Variants in WWOX observed in about 807,000 individuals in gnomAD.
WWOX encodes the protein WW domain-containing oxidoreductase.
Under a neutral mutation model 46.2 loss-of-function variants are expected in WWOX, and 69 were observed. That is an observed-to-expected ratio of 1.49 (90% CI 1.23 to 1.82). The LOEUF (loss-of-function observed/expected upper bound fraction) is 1.82. Ranked by LOEUF, WWOX falls within the 40% of genes most tolerant of loss-of-function variation. The pLI, the probability that WWOX is intolerant of heterozygous loss-of-function variation, is 0.00. For synonymous variants in WWOX, 359 were observed against 202.6 expected, an observed-to-expected ratio of 1.77 and a Z score of -6.56; for missense variants, 919 against 542.6, an observed-to-expected ratio of 1.69 and a Z score of -6.89.
intron 5 of WWOX, among the ~76,000 whole-genome samples, chr16:78,273,260 A>T (rs1032772219): frequency 1.3e-5 from 2 of 152,138 alleles, no homozygotes; most frequent in African/African-American, 4.8e-5. Context: ...CTGTACCCTG[A>T]ATTGGCCCTA....
intron 8 of WWOX, among the ~76,000 whole-genome samples, chr16:78,780,156 C>T (rs1035655330): frequency 6.6e-6 from 1 of 152,150 alleles, no homozygotes; most frequent in Non-Finnish European, 1.5e-5. Flanking sequence ...GCTATGGTCA[C>T]CTGCATCCCC....
chr16:78,181,253 T>G (rs2035524489), intron 5 of WWOX, among the ~76,000 whole-genome samples: 1 of 152,022 alleles, frequency 6.6e-6, no homozygotes, highest in Non-Finnish European at 1.5e-5. Flanking sequence ...TTATGAGGTT[T>G]TTAGTGCTGG....
At chr16:79,042,075 C>G (rs371341670) in intron 8 of WWOX, among the ~76,000 whole-genome samples, 37 of 152,236 alleles carry the variant, frequency 2.4e-4, no homozygotes, top group African/African-American at 8.4e-4. Context: ...TCTCTAGCTA[C>G]CATGTTCCAG....
intron 8 of WWOX, among the ~76,000 whole-genome samples, chr16:78,958,204 A>C (rs768519257): frequency 2.0e-5 from 3 of 152,162 alleles, no homozygotes; most frequent in Non-Finnish European, 4.4e-5. Context: ...AGCTGACTTA[A>C]ACACTCAGCT....
At chr16:78,959,055 T>C (rs2046223711) in intron 8 of WWOX, among the ~76,000 whole-genome samples, 1 of 152,200 alleles carries the variant, frequency 6.6e-6, no homozygotes, top group Admixed American at 6.5e-5. Context: ...TGTAATGTTT[T>C]TAAAAATGCT....
chr16:79,019,587 C>A lies in WWOX; in HGVS notation c.1057-192021C>A, dbSNP rs2047490274. ...TCTCTTTTAGGGGAAAAAACAAAAG[C>A]AGAAAGCAAGCAAGCTGGTATCCTG... On this transcript the variant is annotated intron_variant, in intron 8 of 8. Coordinates refer to ENST00000566780, the MANE Select transcript of WWOX (RefSeq NM_016373.4). Among the ~76,000 whole-genome samples, 5 of 151,936 alleles carry A rather than the reference C, an allele frequency of 3.3e-5. No individual in the cohort carries two copies. In the South Asian group the frequency reaches 1.0e-3, roughly 32 times the overall value.
chr16:79,095,106 A>G (rs1229567874), intron 8 of WWOX, among the ~76,000 whole-genome samples: 3 of 152,180 alleles, frequency 2.0e-5, no homozygotes, highest in Admixed American at 6.5e-5. Flanking sequence ...GTTCTATTGC[A>G]AAGGAGGCTT....
chr16:78,671,298 G>T (rs1168323455), intron 8 of WWOX, among the ~76,000 whole-genome samples: 1 of 152,154 alleles, frequency 6.6e-6, no homozygotes, highest in Non-Finnish European at 1.5e-5. Flanking sequence ...GGTGGGGCAT[G>T]CCTGTAGTCC....
intron 7 of WWOX, 62 bp from the exon 8 acceptor site, chr16:78,432,426 A>C: frequency 6.3e-7 from 1 of 1,598,696 alleles, no homozygotes; most frequent in Middle Eastern, 1.7e-4. Flanking sequence ...TTCCAATAAA[A>C]ATAAAAAGCT....
Position 78,099,684 on chromosome 16 carries a change from G to T in WWOX, c.-95G>T. On this transcript the variant is annotated 5_prime_UTR_variant, in exon 1 of 9. Transcript: ENST00000566780. ...GCGCAGGCGTGAGCGGTCGGGCCCC[G>T]ACGCGCGCGGGTCTCGTTTGGAGCG... 1 of 1,432,304 alleles carries T rather than the reference G, an allele frequency of 7.0e-7. No homozygotes were observed. The highest frequency in any genetic ancestry group is 1.5e-5 in the South Asian group (1 of 67,630). The allele number at this position is 1,432,304 out of a possible 1,614,324, so 88.7% of individuals were successfully genotyped here.
At chr16:78,515,309 A>G (rs1250263189) in intron 8 of WWOX, among the ~76,000 whole-genome samples, 2 of 152,208 alleles carry the variant, frequency 1.3e-5, no homozygotes, top group Non-Finnish European at 2.9e-5. Flanking sequence ...CTAATGAGAA[A>G]AAAATAGATC....
rs116965747 is a variant in WWOX at position 78,842,560 on chromosome 16, A to G, written c.1057-369048A>G. Among the ~76,000 whole-genome samples the G allele has an allele frequency of 9.0e-3, 1,372 of 152,270 alleles. 11 individuals are homozygous for G. The highest frequency in any genetic ancestry group is 0.015 in the Non-Finnish European group (1,033 of 68,018). ...GAAAGGATCTAAGATGATTGGAAAC[A>G]GTGTACATAGAATACAAGAGGAGTT... On this transcript the variant is annotated intron_variant, in intron 8 of 8. Coordinates refer to ENST00000566780, the MANE Select transcript of WWOX (RefSeq NM_016373.4).
At chr16:79,031,224 C>G (rs757403309) in intron 8 of WWOX, among the ~76,000 whole-genome samples, 2 of 152,116 alleles carry the variant, frequency 1.3e-5, no homozygotes, top group East Asian at 1.9e-4. Context: ...AGATGAGTGT[C>G]CCATCTGGGT....
At chr16:78,324,738 A>C (rs1219386165) in intron 5 of WWOX, among the ~76,000 whole-genome samples, 1 of 145,066 alleles carries the variant, frequency 6.9e-6, no homozygotes, top group East Asian at 2.3e-4. Flanking sequence ...AGAACAGAGA[A>C]ATTTAGAGAT....
At chr16:78,865,926 A>G (rs1410062947) in intron 8 of WWOX, among the ~76,000 whole-genome samples, 1 of 152,182 alleles carries the variant, frequency 6.6e-6, no homozygotes, top group Non-Finnish European at 1.5e-5. Flanking sequence ...TTACTCAACA[A>G]ATCATATCTG....
chr16:79,100,732 C>A (rs1380762533), intron 8 of WWOX, among the ~76,000 whole-genome samples: 1 of 152,148 alleles, frequency 6.6e-6, no homozygotes, highest in Non-Finnish European at 1.5e-5. Context: ...CACCAGGCTG[C>A]AATTAAAATA....
intron 8 of WWOX, among the ~76,000 whole-genome samples, chr16:79,209,632 G>C (rs2051646771): frequency 6.6e-6 from 1 of 152,126 alleles, no homozygotes; most frequent in South Asian, 2.1e-4. Context: ...GAAAATATAT[G>C]ACAGATATCT....
At chr16:78,567,171 C>T (rs893181488) in intron 8 of WWOX, among the ~76,000 whole-genome samples, 4 of 152,172 alleles carry the variant, frequency 2.6e-5, no homozygotes, top group African/African-American at 7.2e-5. Flanking sequence ...TTGGCAGAAG[C>T]CCAATTTAAG....
chr16:78,376,805 T>C (rs2081839740), intron 5 of WWOX, among the ~76,000 whole-genome samples: 1 of 152,210 alleles, frequency 6.6e-6, no homozygotes. Context: ...CTGCTCACAC[T>C]GGGCTATCAG....
Sources: gnomAD v4.1 joint callset for allele counts (sites outside exome capture counted in the v4.1 genomes callset) on GRCh38, gnomAD v4.1.1 for gene constraint, MANE v1.5 for transcripts, NCBI Gene and HGNC (gene_info 2026-07-23, HGNC 2026-07-21) for gene names.